DNM2: variants seen among roughly 807,000 people sequenced by gnomAD.
DNM2 encodes the protein dynamin 2.
A neutral mutation model predicts 99.0 loss-of-function variants in DNM2; 15 were observed. That is an observed-to-expected ratio of 0.15 (90% CI 0.10 to 0.23). DNM2 has a LOEUF of 0.23. Among genes scored for constraint, DNM2 ranks in the 10% least tolerant of loss-of-function variants. DNM2 has a pLI of 1.00. For missense variants in DNM2, 742 were observed against 1,189.4 expected, an observed-to-expected ratio of 0.62 and a Z score of 5.53; for synonymous variants, 525 against 481.2, an observed-to-expected ratio of 1.09 and a Z score of -1.19.
intron 1 of DNM2, among the ~76,000 whole-genome samples, chr19:10,729,122 A>ATG (rs2069208184): frequency 7.2e-6 from 1 of 138,480 alleles, no homozygotes; most frequent in African/African-American, 2.7e-5. Flanking sequence ...CCGAGATCGC[A>ATG]CCACTGCACT....
At chr19:10,745,765 CAG>C (rs950751863) in intron 1 of DNM2, among the ~76,000 whole-genome samples, 2 of 152,094 alleles carry the variant, frequency 1.3e-5, no homozygotes, top group Admixed American at 6.6e-5. Flanking sequence ...AGAAGGAAAA[CAG>C]GGCAACATGA....
intron 7 of DNM2, among the ~76,000 whole-genome samples, chr19:10,792,963 G>A (rs1476538218): frequency 6.6e-6 from 1 of 151,898 alleles, no homozygotes; most frequent in Non-Finnish European, 1.5e-5. Context: ...GGGTGGTCTC[G>A]AACTCCCAGA....
At chr19:10,762,631 C>T (rs1318370837) in intron 2 of DNM2, among the ~76,000 whole-genome samples, 1 of 152,198 alleles carries the variant, frequency 6.6e-6, no homozygotes, top group African/African-American at 2.4e-5. Flanking sequence ...GTACCTGACC[C>T]GGATGAACGA....
rs549927676 is a variant in DNM2, at chr19:10,786,728, AC to A, written c.992+24del. On this transcript the variant is annotated intron_variant, in intron 7 of 20. Transcript: ENST00000389253. ...TGCAGTATGTACCCCGGCACCCACC[AC>A]CACCACCACCCTGGCCCCTGCCTTC... 9.0e-4 allele frequency: 1,447 copies of A among 1,613,432 alleles called. 13 individuals are homozygous for A. Among genetic ancestry groups the A allele is most frequent in the Non-Finnish European group, 2.9e-4 (339 of 1,179,824 alleles).
intron 18 of DNM2, chr19:10,828,828 G>C (rs1487614624): frequency 3.4e-6 from 2 of 585,342 alleles, no homozygotes; most frequent in African/African-American, 3.7e-5. Context: ...GGGAGGCTGA[G>C]GCAGGATAAT....
At chr19:10,778,637 G>A (rs375581281) in intron 5 of DNM2, among the ~76,000 whole-genome samples, 4 of 151,878 alleles carry the variant, frequency 2.6e-5, no homozygotes, top group African/African-American at 9.7e-5. Context: ...GCACAACAGA[G>A]CAAGATCTTG....
intron 6 of DNM2, among the ~76,000 whole-genome samples, chr19:10,784,394 G>A (rs2071483133): frequency 6.6e-6 from 1 of 152,166 alleles, no homozygotes; most frequent in African/African-American, 2.4e-5. Flanking sequence ...GGCCCTCCAG[G>A]AGAGGAAGCT....
chr19:10,720,961 ACT>A (rs991649367), intron 1 of DNM2, among the ~76,000 whole-genome samples: 4 of 151,820 alleles, frequency 2.6e-5, no homozygotes, highest in African/African-American at 9.7e-5. Flanking sequence ...TGAGCAGAAC[ACT>A]CTCACTGGAG....
At chr19:10,752,179 A>G (rs150622840) in intron 1 of DNM2, among the ~76,000 whole-genome samples, 3 of 152,336 alleles carry the variant, frequency 2.0e-5, no homozygotes, top group Admixed American at 6.5e-5. Context: ...AACGCCTGGT[A>G]CTGTGGCGTG....
Position 10,759,765 on chromosome 19 carries a change from C to T in DNM2, c.189C>T (p.Ile63=), listed in dbSNP as rs371493258. Reference sequence around the variant, plus strand: ...ACTTCCTTCCCCGCGGTTCAGGAATCGTCACCCGGCGGCCTCTCATTCTGC... The same window carrying T: ...ACTTCCTTCCCCGCGGTTCAGGAATTGTCACCCGGCGGCCTCTCATTCTGC... The part of the protein sequence containing the change: ...GRDFLPRGSG[I]VTRRPLILQL... The change falls in exon 2 of 21, where the codon ATC becomes ATT. Residue 63 remains isoleucine, a synonymous_variant. Transcript: ENST00000389253. The T allele has an allele frequency of 2.2e-5, 36 of 1,614,056 alleles. No homozygotes were observed. Among genetic ancestry groups the T allele is most frequent in the African/African-American group, 5.3e-5 (4 of 74,922 alleles).
At chr19:10,813,917 C>G (rs1402146502) in intron 15 of DNM2, among the ~76,000 whole-genome samples, 3 of 152,112 alleles carry the variant, frequency 2.0e-5, no homozygotes, top group East Asian at 3.9e-4. Context: ...AATCTTAGCA[C>G]TCTGGGAGGC....
At chr19:10,779,163 T>G (rs10420961) in intron 5 of DNM2, among the ~76,000 whole-genome samples, 1 of 150,652 alleles carries the variant, frequency 6.6e-6, no homozygotes, top group Non-Finnish European at 1.5e-5. Flanking sequence ...TGCAGCGAGC[T>G]GAGATGGCGC....
rs1210363681 is a variant in DNM2 at position 10,824,935 on chromosome 19, G to A, written c.1894-122G>A. 6 of 1,487,872 alleles carry A rather than the reference G, an allele frequency of 4.0e-6. No homozygotes were observed. The Admixed American group carries it at 8.4e-5, about 21-fold the overall frequency. The allele number at this position is 1,487,872 out of a possible 1,614,324, so 92.2% of individuals were successfully genotyped here. A position where few individuals can be genotyped will look rare whatever the true frequency, so the allele number is the denominator to read the frequency against. On this transcript the variant is annotated intron_variant, in intron 17 of 20. Transcript: ENST00000389253. ...GCAAGCAGGCCTATCTGGTGCCAGT[G>A]GGGCTGTCAGGGGCCAGCCTGAGGT...
Position 10,775,929 on chromosome 19 carries a change from C to A in DNM2, c.589+23C>A, listed in dbSNP as rs368324584. On this transcript the variant is annotated intron_variant, in intron 4 of 20. Coordinates refer to ENST00000389253, the MANE Select transcript of DNM2 (RefSeq NM_001005361.3). This position sits in a 1 kb window ranked among gnomAD's most constrained non-coding sequence, Gnocchi z 4.3. ...AAGGTAACCCTGAGCCTAGGGCAGT[C>A]CCCTCTTCCAGGTGCCTCTGAGCAT... The A allele has an allele frequency of 5.0e-6, 8 of 1,606,486 alleles. No homozygotes were observed. Among genetic ancestry groups the A allele is most frequent in the African/African-American group, 1.3e-5 (1 of 74,914 alleles).
intron 1 of DNM2, among the ~76,000 whole-genome samples, chr19:10,751,992 C>T (rs1004204340): frequency 6.6e-6 from 1 of 152,224 alleles, no homozygotes; most frequent in African/African-American, 2.4e-5. Flanking sequence ...TGTACCCTCT[C>T]CCCATTGGCC....
At chr19:10,822,848 T>C (rs983531292) in intron 16 of DNM2, among the ~76,000 whole-genome samples, 22 of 150,206 alleles carry the variant, frequency 1.5e-4, no homozygotes, top group African/African-American at 4.9e-4. Flanking sequence ...GGCTCACGCC[T>C]GTAATCCCAG....
chr19:10,831,205 T>C lies in DNM2; in HGVS notation c.*158T>C. ...CTGGCCCCGGTCCAGGGCCGGCCCC[T>C]GTGCCTGGCTGGACACCGCACTGCG... On this transcript the variant is annotated 3_prime_UTR_variant, in exon 21 of 21. Transcript: ENST00000389253. This position sits in a 1 kb window ranked among gnomAD's most constrained non-coding sequence, Gnocchi z 4.3. 7.2e-7 allele frequency: 1 copy of C among 1,393,564 alleles called. No homozygotes were observed. The highest frequency in any genetic ancestry group is 9.3e-7 in the Non-Finnish European group (1 of 1,078,000). 86.3% of individuals were successfully genotyped at this position (1,393,564 alleles called of 1,614,324 possible). A position where few individuals can be genotyped will look rare whatever the true frequency, so the allele number is the denominator to read the frequency against.
At chr19:10,743,018 A>T (rs1296906072) in intron 1 of DNM2, among the ~76,000 whole-genome samples, 1 of 147,750 alleles carries the variant, frequency 6.8e-6, no homozygotes, top group African/African-American at 2.5e-5. Context: ...GGCTCAAGTG[A>T]TCCTCCCACC....
At position 10,820,100 on chromosome 19, in the gene DNM2, CA is replaced by C. The variant is rs1377722258; in HGVS notation, c.1781+12del. Reference sequence around the variant, plus strand: ...CAACACGGAGCAGAGGTGAGGGGCCCAGGGGCCTGGGGATGGCTCGGGGTGA... The same window carrying C: ...CAACACGGAGCAGAGGTGAGGGGCCCGGGGCCTGGGGATGGCTCGGGGTGA... On this transcript the variant is annotated intron_variant, in intron 16 of 20. Transcript: ENST00000389253. The surrounding 1 kb of genome is among the most constrained non-coding windows in gnomAD (Gnocchi z 4.3). 2.5e-6 allele frequency: 4 copies of C among 1,613,828 alleles called. No individual in the cohort carries two copies. Among genetic ancestry groups the C allele is most frequent in the Non-Finnish European group, 3.4e-6 (4 of 1,179,904 alleles).
Sources: gnomAD v4.1 joint callset for allele counts (sites outside exome capture counted in the v4.1 genomes callset) on GRCh38, gnomAD v4.1.1 for gene constraint, Gnocchi (gnomAD v3.1) non-coding constraint, MANE v1.5 for transcripts, NCBI Gene and HGNC (gene_info 2026-07-23, HGNC 2026-07-21) for gene names.